Variants in ALDH7A1 observed in about 807,000 individuals in gnomAD.
ALDH7A1 encodes aldehyde dehydrogenase 7 family member A1.
Under a neutral mutation model 79.9 loss-of-function variants are expected in ALDH7A1, and 63 were observed. That is an observed-to-expected ratio of 0.79 (90% confidence interval 0.64 to 0.97). The LOEUF is 0.97. ALDH7A1 is among the 50% of genes least tolerant of loss of function. The pLI is 0.00. For missense variants in ALDH7A1, 627 were observed against 665.2 expected (o/e 0.94, Z 0.63); for synonymous variants, 240 against 231.2 (o/e 1.04, Z -0.34).
chr5:126,553,459 A>T (rs1750071470), intron 13 of ALDH7A1: 1 of 152,282 alleles, frequency 6.6e-6, no homozygotes, highest in African/African-American at 2.4e-5. Flanking sequence ...CACGCCTGTA[A>T]TCCCAGCACT....
chr5:126,559,363 C>T (rs376010987), intron 10 of ALDH7A1, 29 bp from the exon 11 acceptor site: 19 of 1,527,428 alleles, frequency 1.2e-5, no homozygotes, highest in African/African-American at 2.7e-5. Context: ...CTTCCATCAG[C>T]GAACCAAAAC....
At chr5:126,574,862 T>C (rs1044034511) in intron 7 of ALDH7A1, among the ~76,000 whole-genome samples, 6 of 152,188 alleles carry the variant, frequency 3.9e-5, no homozygotes, top group African/African-American at 1.4e-4. Flanking sequence ...CCTAACTCTA[T>C]ACATCCTCCA....
chr5:126,568,076 A>G (rs1030153701), intron 9 of ALDH7A1, 183 bp downstream of exon 9: 1 of 593,804 alleles, frequency 1.7e-6, no homozygotes, highest in Non-Finnish European at 3.0e-6. Context: ...TTTGGTATTT[A>G]AATTTAGGAC....
chr5:126,565,037 A>G (rs912373783), intron 9 of ALDH7A1, among the ~76,000 whole-genome samples: 10 of 152,204 alleles, frequency 6.6e-5, no homozygotes, highest in Non-Finnish European at 1.5e-4. Context: ...AGGTGAGAAG[A>G]TGAAATCTGC....
chr5:126,558,745 C>A (rs900645), intron 11 of ALDH7A1, among the ~76,000 whole-genome samples: 25,569 of 152,072 alleles, frequency 0.17, 2,706 homozygotes, highest in Middle Eastern at 0.27. Flanking sequence ...AGGCTGGTCT[C>A]GAACTACTGG....
Position 126,576,105 on chromosome 5 carries a change from C to CA in ALDH7A1, c.651-642dup, listed in dbSNP as rs555091069. ...TGAAACCCCTTCTCTACTAAAAATA[C>CA]AAAAAAAATTAGCCGGGCGTGGTGG... On this transcript the variant is annotated intron_variant, in intron 6 of 17. Coordinates refer to ENST00000409134, the MANE Select transcript of ALDH7A1 (RefSeq NM_001182.5). 2.4e-4 allele frequency among the ~76,000 whole-genome samples: 36 copies of CA among 151,392 alleles called. No individual in the cohort carries two copies. In the East Asian group the frequency reaches 3.5e-3, roughly 15 times the overall value.
chr5:126,549,847 T>A (rs1749927611), intron 16 of ALDH7A1, 82 bp downstream of exon 16: 1 of 1,250,578 alleles, frequency 8.0e-7, no homozygotes, highest in Non-Finnish European at 1.2e-6. Context: ...TGTTTCAGTC[T>A]CTTGGTCAGC....
At chr5:126,578,979 A>AGCCTCTTCCTGGCAGGGCCT (rs202235158) in intron 5 of ALDH7A1, among the ~76,000 whole-genome samples, 35 of 152,088 alleles carry the variant, frequency 2.3e-4, no homozygotes, top group East Asian at 1.7e-3. Context: ...GTGCTGGCAC[A>AGCCTCTTCCTGGCAGGGCCT]GCCTCTTCCT....
chr5:126,595,162 C>G lies in ALDH7A1; in HGVS notation c.37G>C (p.Ala13Pro). The G allele has an allele frequency of 1.3e-6, 2 of 1,555,456 alleles. No homozygotes were observed. The highest frequency in any genetic ancestry group is 1.7e-6 in the Non-Finnish European group (2 of 1,148,904). The change falls in exon 1 of 18, where the codon GCA becomes CCA. Residue 13 changes from alanine (A) to proline (P), a missense_variant. Transcript: ENST00000409134. ...GGTCCAGAGAGCTTGCTGGTCTTTGCAGCGTGCACACACAGCGCGCGAGGA... is the reference window on the plus strand; with the variant it reads ...GGTCCAGAGAGCTTGCTGGTCTTTGGAGCGTGCACACACAGCGCGCGAGGA... ...RLPRALCVHA[A>P]KTSKLSGPWS...
At chr5:126,546,967 G>T (rs970563440) in intron 16 of ALDH7A1, among the ~76,000 whole-genome samples, 1 of 152,208 alleles carries the variant, frequency 6.6e-6, no homozygotes, top group Admixed American at 6.5e-5. Context: ...AATCACAGCT[G>T]AATGTTTGCC....
At chr5:126,570,627 TA>T in intron 8 of ALDH7A1, 154 bp downstream of exon 8, 1 of 775,304 alleles carries the variant, frequency 1.3e-6, no homozygotes, top group Non-Finnish European at 2.3e-6. Context: ...TAGGCATTAA[TA>T]AAATAAGAAC....
chr5:126,581,977 C>CAAA, intron 5 of ALDH7A1: 6 of 315,934 alleles, frequency 1.9e-5, no homozygotes, highest in Non-Finnish European at 2.8e-5. Context: ...GACTCCATCT[C>CAAA]AAAAAAAAAA....
chr5:126,569,689 A>G (rs530674325), intron 8 of ALDH7A1: 2 of 152,382 alleles, frequency 1.3e-5, no homozygotes, highest in African/African-American at 4.8e-5. Flanking sequence ...GCAAGAATAC[A>G]GTCAAAGGCC....
chr5:126,554,654 G>T (rs897531823), intron 12 of ALDH7A1: 19 of 478,726 alleles, frequency 4.0e-5, no homozygotes, highest in African/African-American at 3.5e-4. Flanking sequence ...GAGTGGGTAT[G>T]TGCCGAGAAA....
chr5:126,580,910 C>A (rs578088793), intron 5 of ALDH7A1, among the ~76,000 whole-genome samples: 1 of 152,036 alleles, frequency 6.6e-6, no homozygotes, highest in Non-Finnish European at 1.5e-5. Flanking sequence ...CCGCCACCTC[C>A]GCCTCCCGGG....
At chr5:126,576,920 T>G (rs1750992050) in intron 6 of ALDH7A1, among the ~76,000 whole-genome samples, 159 bp downstream of exon 6, 1 of 151,942 alleles carries the variant, frequency 6.6e-6, no homozygotes, top group South Asian at 2.1e-4. Context: ...AGAGTGAAAC[T>G]CCATCTCAAA....
intron 9 of ALDH7A1, among the ~76,000 whole-genome samples, chr5:126,566,241 T>C (rs1275500927): frequency 6.6e-6 from 1 of 152,226 alleles, no homozygotes; most frequent in Admixed American, 6.5e-5. Context: ...ATTTAGGTCA[T>C]CTTTAATTTA....
At chr5:126,574,023 C>CAAAAAAAAAAAAAAAAAAAA (rs34601459) in intron 7 of ALDH7A1, among the ~76,000 whole-genome samples, 2 of 57,244 alleles carry the variant, frequency 3.5e-5, no homozygotes, top group Non-Finnish European at 3.4e-5. Context: ...AAGACTGTCT[C>CAAAAAAAAAAAAAAAAAAAA]AAAAAAAAAA....
At chr5:126,554,718 A>G (rs1750123281) in intron 12 of ALDH7A1, 2 of 381,738 alleles carry the variant, frequency 5.2e-6, no homozygotes, top group Non-Finnish European at 1.0e-5. Flanking sequence ...CTCTAGTTTA[A>G]AGGAATGGCT....
Sources: allele counts gnomAD v4.1 joint callset (sites outside exome capture counted in the v4.1 genomes callset), GRCh38; gene constraint gnomAD v4.1.1; transcripts MANE v1.5; gene names NCBI Gene and HGNC (gene_info 2026-07-23, HGNC 2026-07-21).